PGS1: variants seen among roughly 807,000 people sequenced by gnomAD.
The protein encoded by PGS1 is phosphatidylglycerophosphate synthase 1, also known as CDP-diacylglycerol--glycerol-3-phosphate 3-phosphatidyltransferase, mitochondrial.
A neutral mutation model predicts 58.3 loss-of-function variants in PGS1; 44 were observed. The observed-to-expected ratio is 0.75, with a 90% confidence interval of 0.59 to 0.97. The LOEUF (loss-of-function observed/expected upper bound fraction) is 0.97. Among genes scored for constraint, PGS1 ranks in the 50% least tolerant of loss-of-function variants. The pLI is 0.00. For synonymous variants in PGS1, 330 were observed against 311.0 expected (o/e 1.06, Z -0.64); for missense variants, 684 against 731.1 (o/e 0.94, Z 0.74).
intron 2 of PGS1, among the ~76,000 whole-genome samples, chr17:78,395,224 G>C (rs1252102663): frequency 6.6e-6 from 1 of 152,138 alleles, no homozygotes; most frequent in African/African-American, 2.4e-5. Flanking sequence ...GATATGCTTC[G>C]GTTGCCTGAA....
rs141424232 is a variant in PGS1 at position 78,423,930 on chromosome 17, G to A, written c.*11-131G>A. On this transcript the variant is annotated intron_variant, in intron 9 of 9. Transcript: ENST00000262764. Reference sequence around the variant, plus strand: ...GCTAAACCTGTAGGAGCAGCGCCACGGCTGCCAGGATCCACTTCGCTGCCT... The same window carrying A: ...GCTAAACCTGTAGGAGCAGCGCCACAGCTGCCAGGATCCACTTCGCTGCCT... The A allele has an allele frequency of 3.0e-4, 486 of 1,613,966 alleles. 6 individuals are homozygous for A. The highest frequency in any genetic ancestry group is 3.3e-4 in the Middle Eastern group (2 of 6,062).
chr17:78,394,701 A>G (rs556204164), intron 2 of PGS1, among the ~76,000 whole-genome samples: 143 of 151,996 alleles, frequency 9.4e-4, no homozygotes, highest in African/African-American at 3.3e-3. Flanking sequence ...GATTACAGGC[A>G]TGCACCACCA....
intron 8 of PGS1, among the ~76,000 whole-genome samples, chr17:78,416,460 C>T (rs976586818): frequency 6.6e-6 from 1 of 152,190 alleles, no homozygotes; most frequent in Non-Finnish European, 1.5e-5. Context: ...AGGATGGGTT[C>T]TGCGTGGATC....
In PGS1 at chr17:78,400,535, A is replaced by G. The variant is rs938419954; in HGVS notation, c.702-142A>G. 1.4e-6 allele frequency: 1 copy of G among 701,758 alleles called. No individual in the cohort carries two copies. The highest frequency in any genetic ancestry group is 2.5e-6 in the Non-Finnish European group (1 of 398,902). The allele number at this position is 701,758 out of a possible 1,614,324, so 43.5% of individuals were successfully genotyped here. A position where few individuals can be genotyped will look rare whatever the true frequency, so the allele number is the denominator to read the frequency against. ...CTGGCTTTGTCTTTTGCACGTGTTCATTGCTGAGTAGCTATTTGTTAACTG... is the reference window on the plus strand; with the variant it reads ...CTGGCTTTGTCTTTTGCACGTGTTCGTTGCTGAGTAGCTATTTGTTAACTG... On this transcript the variant is annotated intron_variant, in intron 5 of 9. Transcript: ENST00000262764. This position sits in a 1 kb window ranked among gnomAD's most constrained non-coding sequence, Gnocchi z 4.4.
At chr17:78,393,162 G>A (rs1598279829) in intron 2 of PGS1, among the ~76,000 whole-genome samples, 1 of 151,784 alleles carries the variant, frequency 6.6e-6, no homozygotes, top group African/African-American at 2.4e-5. Context: ...TCGGGTTCAC[G>A]CCATTCTCCT....
chr17:78,408,977 C>T (rs1480890234), intron 7 of PGS1, among the ~76,000 whole-genome samples: 1 of 152,244 alleles, frequency 6.6e-6, no homozygotes, highest in East Asian at 1.9e-4. Context: ...GCAGGAGCAG[C>T]CCGGCCTTGT....
At chr17:78,404,979 T>G (rs913945813) in intron 7 of PGS1, among the ~76,000 whole-genome samples, 2 of 149,820 alleles carry the variant, frequency 1.3e-5, no homozygotes, top group Non-Finnish European at 3.0e-5. Flanking sequence ...GTGTTGATTG[T>G]CAGAGTTCCT....
chr17:78,419,459 CCTGAGGGGCTGGGCTGGG>C (rs2085495182), intron 8 of PGS1, 69 bp from the exon 9 acceptor site: 4 of 1,194,876 alleles, frequency 3.3e-6, no homozygotes, highest in Non-Finnish European at 5.0e-6. Flanking sequence ...TCTGGGCTGG[CCTGAGGGGCTGGGCTGGG>C]GCCAGCCGGC....
intron 9 of PGS1, chr17:78,421,237 C>CTCTT (rs1324697915): frequency 6.6e-6 from 1 of 152,124 alleles, no homozygotes; most frequent in Non-Finnish European, 1.5e-5. Flanking sequence ...ACTGCCTGAT[C>CTCTT]TCTTTATCAT....
chr17:78,383,236 A>G (rs1048068266), intron 1 of PGS1, among the ~76,000 whole-genome samples: 1 of 147,036 alleles, frequency 6.8e-6, no homozygotes, highest in African/African-American at 2.5e-5. Flanking sequence ...ATTGTTTTCA[A>G]TTAGATTTTC....
intron 1 of PGS1, among the ~76,000 whole-genome samples, chr17:78,386,126 C>T (rs1342723275): frequency 1.3e-5 from 2 of 152,214 alleles, no homozygotes; most frequent in Non-Finnish European, 2.9e-5. Context: ...GTGACTGAAC[C>T]TTTCTCCTGA....
intron 8 of PGS1, among the ~76,000 whole-genome samples, chr17:78,417,763 G>A (rs1158529395): frequency 2.6e-5 from 4 of 151,672 alleles, no homozygotes; most frequent in East Asian, 1.9e-4. Flanking sequence ...GGTGGAGAGC[G>A]CTGGAGACTC....
chr17:78,400,623 G>C lies in PGS1; in HGVS notation c.702-54G>C, dbSNP rs1047206149. On this transcript the variant is annotated intron_variant, in intron 5 of 9. Transcript: ENST00000262764. This position sits in a 1 kb window ranked among gnomAD's most constrained non-coding sequence, Gnocchi z 4.4. ...CCTGAGACCTGGGTCACCAGGACAC[G>C]CTGCTGCATACCCTTGCCTGAGTCC... 9.8e-6 allele frequency: 15 copies of C among 1,532,510 alleles called. No individual in the cohort carries two copies. Among genetic ancestry groups the C allele is most frequent in the Non-Finnish European group, 1.4e-5 (15 of 1,110,652 alleles). 94.9% of individuals were successfully genotyped at this position (1,532,510 alleles called of 1,614,324 possible).
rs1568026508 is a variant in PGS1, at chr17:78,424,069, T to G, written c.*19T>G. 2 of 1,614,034 alleles carry G rather than the reference T, an allele frequency of 1.2e-6. No individual in the cohort carries two copies. The highest frequency in any genetic ancestry group is 3.3e-5 in the Admixed American group (2 of 60,036). ...CTCCATGCGGTCCACAGGAATGGCC[T>G]TGATGAAGATGACAGGCATGGCCGG... On this transcript the variant is annotated 3_prime_UTR_variant, in exon 10 of 10. Coordinates refer to ENST00000262764, the MANE Select transcript of PGS1 (RefSeq NM_024419.5).
intron 7 of PGS1, among the ~76,000 whole-genome samples, chr17:78,412,498 T>A (rs991079123): frequency 6.6e-6 from 1 of 152,220 alleles, no homozygotes; most frequent in South Asian, 2.1e-4. Flanking sequence ...GTTGTGCGTA[T>A]GATGAAGTTG....
intron 7 of PGS1, among the ~76,000 whole-genome samples, chr17:78,407,797 C>G (rs1415373425): frequency 6.6e-6 from 1 of 152,224 alleles, no homozygotes; most frequent in Non-Finnish European, 1.5e-5. Flanking sequence ...GTTGAACTTG[C>G]TGGTGGCCCC....
intron 7 of PGS1, among the ~76,000 whole-genome samples, chr17:78,405,750 C>T (rs1335284234): frequency 1.3e-5 from 2 of 152,184 alleles, no homozygotes; most frequent in East Asian, 1.9e-4. Context: ...TGCCTGGAGG[C>T]CCCTGTGCCA....
intron 9 of PGS1, chr17:78,419,883 G>C (rs1247660624): frequency 1.2e-5 from 15 of 1,302,890 alleles, no homozygotes; most frequent in Non-Finnish European, 1.4e-5. Flanking sequence ...TTTCCATCTG[G>C]TACCCACTCC....
Position 78,410,369 on chromosome 17 carries a change from C to T in PGS1, c.1403-4510C>T, listed in dbSNP as rs1319761126. ...GCTTGAACCCAGGAGCCGGAGGTTG[C>T]AGTGAGCCAAGATCGCGCCATTGCA... is the stretch of plus-strand genomic sequence containing the variant. On this transcript the variant is annotated intron_variant, in intron 7 of 9. Transcript: ENST00000262764. 2.7e-5 allele frequency among the ~76,000 whole-genome samples: 4 copies of T among 146,152 alleles called. No individual in the cohort carries two copies. The East Asian group carries it at 9.1e-4, about 33-fold the overall frequency.
Sources: gnomAD v4.1 joint callset for allele counts (sites outside exome capture counted in the v4.1 genomes callset) on GRCh38, gnomAD v4.1.1 for gene constraint, Gnocchi (gnomAD v3.1) non-coding constraint, MANE v1.5 for transcripts, NCBI Gene and HGNC (gene_info 2026-07-23, HGNC 2026-07-21) for gene names.